The following L3MBTL4 variants were observed in gnomAD, a reference collection of about 807,000 sequenced individuals.
L3MBTL4 encodes L3MBTL histone methyl-lysine binding protein 4.
In L3MBTL4, 70 loss-of-function variants were observed where a neutral mutation model predicts 84.5. The ratio of observed to expected loss-of-function variants is 0.83; its 90% CI spans 0.68 to 1.01. The LOEUF (loss-of-function observed/expected upper bound fraction) is 1.01. Among genes scored for constraint, L3MBTL4 ranks in the 50% least tolerant of loss-of-function variants. L3MBTL4 has a pLI of 0.00. For missense variants in L3MBTL4, 715 were observed against 754.8 expected, an observed-to-expected ratio of 0.95 and a Z score of 0.62; for synonymous variants, 274 against 259.8, an observed-to-expected ratio of 1.05 and a Z score of -0.52.
At chr18:6,288,029 C>T (rs1028920943) in intron 4 of L3MBTL4, among the ~76,000 whole-genome samples, 6 of 152,240 alleles carry the variant, frequency 3.9e-5, no homozygotes, top group Admixed American at 6.5e-5. Context: ...GGTGACAAAA[C>T]GAGACTCTGT....
chr18:6,409,961 T>A (rs557734888), intron 1 of L3MBTL4, among the ~76,000 whole-genome samples: 16 of 152,252 alleles, frequency 1.1e-4, no homozygotes, highest in African/African-American at 3.6e-4. Flanking sequence ...AGCAATTATA[T>A]AAATTACACC....
At chr18:6,350,916 G>A (rs528989715) in intron 1 of L3MBTL4, among the ~76,000 whole-genome samples, 2 of 152,150 alleles carry the variant, frequency 1.3e-5, no homozygotes, top group Non-Finnish European at 1.5e-5. Flanking sequence ...TCTAGGCCAG[G>A]CACAGTGGCT....
chr18:6,263,235 C>T (rs1770910221), intron 5 of L3MBTL4, among the ~76,000 whole-genome samples: 1 of 149,478 alleles, frequency 6.7e-6, no homozygotes, highest in Non-Finnish European at 1.5e-5. Context: ...TGCCACTACA[C>T]TCCAGCCTGG....
intron 15 of L3MBTL4, among the ~76,000 whole-genome samples, chr18:6,086,592 C>A (rs1244865622): frequency 1.3e-5 from 2 of 152,138 alleles, no homozygotes; most frequent in Non-Finnish European, 2.9e-5. Flanking sequence ...CCTCTCCATG[C>A]CCCTGAGCTG....
intron 13 of L3MBTL4, among the ~76,000 whole-genome samples, chr18:6,146,454 A>G (rs1312187011): frequency 6.6e-6 from 1 of 152,144 alleles, no homozygotes; most frequent in Non-Finnish European, 1.5e-5. Context: ...AGGAAGCGCT[A>G]CGAGGAAGCT....
At chr18:6,237,227 C>T (rs186143390) in intron 10 of L3MBTL4, among the ~76,000 whole-genome samples, 1 of 152,114 alleles carries the variant, frequency 6.6e-6, no homozygotes, top group Admixed American at 6.5e-5. Context: ...TTTGGAGACC[C>T]ATTGTTAAGT....
chr18:5,963,564 T>C (rs1489981926), intron 17 of L3MBTL4, among the ~76,000 whole-genome samples: 1 of 152,232 alleles, frequency 6.6e-6, no homozygotes, highest in Non-Finnish European at 1.5e-5. Context: ...TGGAAAGAGA[T>C]TCCCATTTGA....
chr18:6,326,499 G>A (rs368988735), intron 1 of L3MBTL4: 1 of 152,176 alleles, frequency 6.6e-6, no homozygotes, highest in Non-Finnish European at 1.5e-5. Context: ...GCATCCAATT[G>A]ACCAATCTTA....
At chr18:6,238,339 C>A (rs562959971) in intron 9 of L3MBTL4, among the ~76,000 whole-genome samples, 287 of 152,286 alleles carry the variant, frequency 1.9e-3, no homozygotes, top group Non-Finnish European at 3.0e-3. Context: ...CGAGACCATC[C>A]TGGCTAACAT....
intron 1 of L3MBTL4, among the ~76,000 whole-genome samples, chr18:6,366,210 A>G (rs376066664): frequency 7.9e-5 from 12 of 152,244 alleles, no homozygotes; most frequent in African/African-American, 2.9e-4. Flanking sequence ...ACAGACAAGT[A>G]ATTTAATATG....
intron 12 of L3MBTL4, among the ~76,000 whole-genome samples, chr18:6,199,929 G>A (rs766552183): frequency 3.3e-5 from 5 of 152,232 alleles, no homozygotes; most frequent in Non-Finnish European, 7.3e-5. Context: ...CAGTGAAAGA[G>A]CTCTGGAAGT....
At chr18:6,200,610 G>C (rs1419157631) in intron 12 of L3MBTL4, among the ~76,000 whole-genome samples, 3 of 152,020 alleles carry the variant, frequency 2.0e-5, no homozygotes, top group African/African-American at 7.3e-5. Context: ...TTAGTATAAT[G>C]GCCTCATAAT....
chr18:6,346,385 A>G (rs1224557791), intron 1 of L3MBTL4, among the ~76,000 whole-genome samples: 1 of 151,944 alleles, frequency 6.6e-6, no homozygotes, highest in Non-Finnish European at 1.5e-5. Flanking sequence ...AAGGAAATCA[A>G]TCACCAAAAT....
At chr18:6,080,053 T>A (rs537786593) in intron 16 of L3MBTL4, 7 of 152,594 alleles carry the variant, frequency 4.6e-5, no homozygotes, top group African/African-American at 1.7e-4. Flanking sequence ...CCGGCCCTTT[T>A]GTTCAATGAC....
chr18:6,093,455 T>G lies in L3MBTL4; in HGVS notation c.1273A>C (p.Thr425Pro). The change falls in exon 15 of 19, where the codon ACA (threonine) becomes CCA (proline). Residue 425 changes from threonine to proline, a missense_variant. Thr to Pro is a conservative substitution (Grantham distance 38). Transcript: ENST00000317931. ...ATLHDRLREQ[T>P]QANLESDSSH... The stretch of plus-strand genomic sequence containing the variant: ...GAGTCTGATTCCAAATTTGCCTGTG[T>G]TTGTTCTCTCAAACGATCGTGAAGT... 6.2e-7 allele frequency: 1 copy of G among 1,614,122 alleles called. No homozygotes were observed. The highest frequency in any genetic ancestry group is 8.5e-7 in the Non-Finnish European group (1 of 1,180,000).
chr18:6,348,175 TATATGGATTAG>T (rs546854405), intron 1 of L3MBTL4, among the ~76,000 whole-genome samples: 185 of 152,032 alleles, frequency 1.2e-3, no homozygotes, highest in African/African-American at 4.1e-3. Context: ...AAATACCATA[TATATGGATTAG>T]AAGATTCAGT....
At chr18:6,340,279 G>A (rs370605569) in intron 1 of L3MBTL4, among the ~76,000 whole-genome samples, 2 of 152,156 alleles carry the variant, frequency 1.3e-5, no homozygotes, top group South Asian at 4.1e-4. Context: ...GAACCCCAGA[G>A]TCTAGCTAAG....
intron 13 of L3MBTL4, among the ~76,000 whole-genome samples, chr18:6,163,132 G>C (rs2043423654): frequency 6.6e-6 from 1 of 151,914 alleles, no homozygotes; most frequent in Non-Finnish European, 1.5e-5. Flanking sequence ...ATGTTGTTTT[G>C]TTAGAGTGCC....
At chr18:6,237,388 C>T (rs1015907560) in intron 10 of L3MBTL4, among the ~76,000 whole-genome samples, 15 of 146,218 alleles carry the variant, frequency 1.0e-4, no homozygotes, top group African/African-American at 3.8e-4. Context: ...AACAATGGTA[C>T]TCATTTAGTT....
Sources: gnomAD v4.1 joint callset for allele counts (sites outside exome capture counted in the v4.1 genomes callset) on GRCh38, gnomAD v4.1.1 for gene constraint, MANE v1.5 for transcripts, NCBI Gene and HGNC (gene_info 2026-07-23, HGNC 2026-07-21) for gene names.